PLCB4: variants seen among roughly 807,000 people sequenced by gnomAD.
The protein encoded by PLCB4 is phospholipase C beta 4, also known as 1-phosphatidylinositol 4,5-bisphosphate phosphodiesterase beta-4.
Under a neutral mutation model 178.8 loss-of-function variants are expected in PLCB4, and 77 were observed. That is an observed-to-expected ratio of 0.43 (90% CI 0.36 to 0.52). The LOEUF is 0.52. Ranked by LOEUF, PLCB4 falls within the 20% of genes least tolerant of loss-of-function variation. PLCB4 has a pLI of 0.00. For synonymous variants in PLCB4, 496 were observed against 490.8 expected (o/e 1.01, Z -0.14); for missense variants, 1,024 against 1,453.4 (o/e 0.70, Z 4.80).
intron 25 of PLCB4, among the ~76,000 whole-genome samples, chr20:9,414,308 A>G (rs2238698): frequency 0.15 from 22,556 of 152,120 alleles, 2,724 homozygotes; most frequent in African/African-American, 0.32. Flanking sequence ...GCTGTCAGTG[A>G]CAGGGAAAAG....
At chr20:9,081,188 A>C (rs766875426) in intron 1 of PLCB4, among the ~76,000 whole-genome samples, 1 of 152,180 alleles carries the variant, frequency 6.6e-6, no homozygotes, top group African/African-American at 2.4e-5. Flanking sequence ...ACTACTTTAT[A>C]AGTTTACATC....
intron 1 of PLCB4, among the ~76,000 whole-genome samples, chr20:9,075,228 C>G (rs1366389179): frequency 6.6e-6 from 1 of 152,126 alleles, no homozygotes; most frequent in African/African-American, 2.4e-5. Context: ...AACCACCGTA[C>G]TGTGTATTAC....
In PLCB4 at chr20:9,132,198, G is replaced by T. The variant is rs149201254; in HGVS notation, c.-79+35856G>T. Among the ~76,000 whole-genome samples the T allele has an allele frequency of 4.8e-3, 729 of 152,234 alleles. 3 individuals carry two copies. Among genetic ancestry groups the T allele is most frequent in the Non-Finnish European group, 7.1e-3 (486 of 68,014 alleles). Reference sequence around the variant, plus strand: ...ATGGTCTGTGCAAAAGGACAAAGGGGACCTTGTGTATGTTGTGGCTCATAG... The same window carrying T: ...ATGGTCTGTGCAAAAGGACAAAGGGTACCTTGTGTATGTTGTGGCTCATAG... On this transcript the variant is annotated intron_variant, in intron 2 of 39. Transcript: ENST00000378473.
intron 1 of PLCB4, among the ~76,000 whole-genome samples, chr20:9,080,607 T>G (rs1161698267): frequency 6.6e-6 from 1 of 152,220 alleles, no homozygotes; most frequent in Non-Finnish European, 1.5e-5. Flanking sequence ...TGAGTACCTC[T>G]TCATTACTTA....
At chr20:9,300,217 C>A (rs2094687477) in intron 3 of PLCB4, among the ~76,000 whole-genome samples, 1 of 152,084 alleles carries the variant, frequency 6.6e-6, no homozygotes, top group Admixed American at 6.6e-5. Context: ...GAAATTTTAT[C>A]CCAACTCTCT....
At chr20:9,307,734 G>A (rs1190001412) in intron 3 of PLCB4, 66 bp from the exon 4 acceptor site, 4 of 649,438 alleles carry the variant, frequency 6.2e-6, no homozygotes, top group Non-Finnish European at 1.1e-5. Flanking sequence ...GAAATGCGAA[G>A]TGATTAACCA....
intron 12 of PLCB4, among the ~76,000 whole-genome samples, chr20:9,379,178 T>G (rs2036930250): frequency 6.6e-6 from 1 of 152,052 alleles, no homozygotes; most frequent in Admixed American, 6.6e-5. Context: ...AGAAAGGAAG[T>G]TTAGTGGACC....
intron 3 of PLCB4, among the ~76,000 whole-genome samples, chr20:9,223,016 T>TGGG (rs1377571677): frequency 6.6e-6 from 1 of 152,144 alleles, no homozygotes; most frequent in Non-Finnish European, 1.5e-5. Context: ...ACATTTAGGT[T>TGGG]TGGCAGCTCA....
chr20:9,158,582 T>G (rs1219997209), intron 2 of PLCB4, among the ~76,000 whole-genome samples: 1 of 151,916 alleles, frequency 6.6e-6, no homozygotes, highest in Non-Finnish European at 1.5e-5. Flanking sequence ...CTCACGTTTT[T>G]TTTTTTTTTT....
intron 1 of PLCB4, among the ~76,000 whole-genome samples, chr20:9,069,883 A>G (rs1292667605): frequency 6.6e-6 from 1 of 152,172 alleles, no homozygotes; most frequent in Non-Finnish European, 1.5e-5. Flanking sequence ...ACAACTGCCC[A>G]CTATAGTTTC....
At chr20:9,193,712 A>C (rs1568928540) in intron 2 of PLCB4, among the ~76,000 whole-genome samples, 1 of 152,222 alleles carries the variant, frequency 6.6e-6, no homozygotes, top group Non-Finnish European at 1.5e-5. Flanking sequence ...CAAGAAAAAT[A>C]GGATTCTTAA....
chr20:9,111,177 T>TTC (rs1343623138), intron 2 of PLCB4, among the ~76,000 whole-genome samples: 2 of 152,270 alleles, frequency 1.3e-5, no homozygotes, highest in African/African-American at 4.8e-5. Context: ...TCTATGACTC[T>TTC]TCTCTACTTG....
chr20:9,112,881 G>A (rs568389303), intron 2 of PLCB4, among the ~76,000 whole-genome samples: 4,039 of 40,234 alleles, frequency 0.1, 174 homozygotes, highest in African/African-American at 0.39. Flanking sequence ...ATTTCCTCTT[G>A]CCCTTTTTAA....
At chr20:9,381,484 T>C (rs981898676) in intron 13 of PLCB4, among the ~76,000 whole-genome samples, 8 of 152,200 alleles carry the variant, frequency 5.3e-5, no homozygotes, top group African/African-American at 9.6e-5. Context: ...TTGAAGGCAG[T>C]TGCGATCTGT....
At chr20:9,140,360 T>C (rs1313188840) in intron 2 of PLCB4, among the ~76,000 whole-genome samples, 2 of 152,070 alleles carry the variant, frequency 1.3e-5, no homozygotes, top group African/African-American at 4.8e-5. Flanking sequence ...TGCCTCCCAC[T>C]GAAGGCTCTA....
intron 2 of PLCB4, among the ~76,000 whole-genome samples, chr20:9,100,941 G>A (rs1198898479): frequency 6.6e-6 from 1 of 151,978 alleles, no homozygotes; most frequent in Non-Finnish European, 1.5e-5. Flanking sequence ...GCCCGTGGAG[G>A]GATTCCTCAT....
At chr20:9,367,669 C>T (rs2035898411) in intron 9 of PLCB4, among the ~76,000 whole-genome samples, 1 of 152,184 alleles carries the variant, frequency 6.6e-6, no homozygotes, top group Non-Finnish European at 1.5e-5. Flanking sequence ...AGGAAATGGG[C>T]AAAGTAGAGA....
rs533719210 is a variant in PLCB4, at chr20:9,350,638, A to G, written c.369+11601A>G. On this transcript the variant is annotated intron_variant, in intron 7 of 39. Coordinates refer to ENST00000378473, the MANE Select transcript of PLCB4 (RefSeq NM_001377142.1). ...CAGTGGTGTGTTCTCAGCTCACCAC[A>G]ACCTCTGCCTCCCGGGTTCAAGTTA... 5.9e-5 allele frequency among the ~76,000 whole-genome samples: 9 copies of G among 152,156 alleles called. No individual in the cohort carries two copies. The East Asian group carries it at 1.5e-3, about 26-fold the overall frequency.
At chr20:9,220,635 C>T (rs1222569877) in intron 3 of PLCB4, among the ~76,000 whole-genome samples, 3 of 152,076 alleles carry the variant, frequency 2.0e-5, no homozygotes, top group Non-Finnish European at 4.4e-5. Flanking sequence ...GACTCCATCT[C>T]AAAAAATGTT....
Sources: allele counts gnomAD v4.1 joint callset (sites outside exome capture counted in the v4.1 genomes callset), GRCh38; gene constraint gnomAD v4.1.1; transcripts MANE v1.5; gene names NCBI Gene and HGNC (gene_info 2026-07-23, HGNC 2026-07-21).